ZBTB2: variants seen among roughly 807,000 people sequenced by gnomAD.
The protein encoded by ZBTB2 is zinc finger and BTB domain containing 2.
In ZBTB2, 2 loss-of-function variants were observed where a neutral mutation model predicts 39.5. The ratio of observed to expected loss-of-function variants is 0.05; its 90% CI spans 0.02 to 0.16. ZBTB2 has a LOEUF of 0.16. Among genes scored for constraint, ZBTB2 ranks in the 10% least tolerant of loss-of-function variants. ZBTB2 has a pLI of 1.00. For missense variants in ZBTB2, 391 were observed against 653.0 expected (o/e 0.60, Z 4.37); for synonymous variants, 251 against 256.6 (o/e 0.98, Z 0.21).
intron 1 of ZBTB2, among the ~76,000 whole-genome samples, chr6:151,382,036 A>T (rs1779044630): frequency 6.6e-6 from 1 of 152,222 alleles, no homozygotes; most frequent in African/African-American, 2.4e-5. Flanking sequence ...CCTAGGCTAT[A>T]TGGTAATCTA....
chr6:151,390,350 C>CGTCCCCG (rs5880929), intron 1 of ZBTB2, among the ~76,000 whole-genome samples: 37 of 147,556 alleles, frequency 2.5e-4, no homozygotes, highest in East Asian at 4.2e-4. Context: ...GCCCCGCCCC[C>CGTCCCCG]TCCCTGTCCC....
chr6:151,370,358 T>G (rs1002939285), intron 2 of ZBTB2, among the ~76,000 whole-genome samples: 1 of 152,198 alleles, frequency 6.6e-6, no homozygotes, highest in African/African-American at 2.4e-5. Flanking sequence ...CTGGTTGACA[T>G]ACTTTCATGT....
chr6:151,381,321 G>C (rs1779030240), intron 1 of ZBTB2, among the ~76,000 whole-genome samples: 1 of 152,074 alleles, frequency 6.6e-6, no homozygotes, highest in South Asian at 2.1e-4. Flanking sequence ...AGGAGTTTGA[G>C]GCCAGCCTGG....
At chr6:151,388,118 C>CAG (rs201717156) in intron 1 of ZBTB2, among the ~76,000 whole-genome samples, 2,617 of 148,762 alleles carry the variant, frequency 0.018, 68 homozygotes, top group African/African-American at 0.062. Context: ...TTTAGGTTTT[C>CAG]AGTCATGTTT....
At chr6:151,390,431 C>G (rs1412008577) in intron 1 of ZBTB2, among the ~76,000 whole-genome samples, 1 of 150,154 alleles carries the variant, frequency 6.7e-6, no homozygotes, top group African/African-American at 2.4e-5. Flanking sequence ...CCGCTTCCCT[C>G]AGTCCCGCGT....
chr6:151,375,162 T>A (rs1394275386), intron 1 of ZBTB2, among the ~76,000 whole-genome samples: 1 of 151,822 alleles, frequency 6.6e-6, no homozygotes, highest in Non-Finnish European at 1.5e-5. Context: ...CTTGTAGAAC[T>A]AATAAACGAG....
chr6:151,375,169 C>T (rs6557131), intron 1 of ZBTB2, among the ~76,000 whole-genome samples: 15,332 of 151,760 alleles, frequency 0.1, 1,376 homozygotes, highest in African/African-American at 0.24. Context: ...AACTAATAAA[C>T]GAGTTTGGCA....
At chr6:151,385,292 T>C (rs1412615835) in intron 1 of ZBTB2, among the ~76,000 whole-genome samples, 1 of 152,200 alleles carries the variant, frequency 6.6e-6, no homozygotes, top group Non-Finnish European at 1.5e-5. Context: ...ACAAATGACC[T>C]TTCAGATTAT....
At chr6:151,387,527 A>C (rs1272942358) in intron 1 of ZBTB2, among the ~76,000 whole-genome samples, 1 of 152,196 alleles carries the variant, frequency 6.6e-6, no homozygotes, top group Non-Finnish European at 1.5e-5. Context: ...CAGAGAACCT[A>C]AATGACTCTC....
At chr6:151,372,000 A>T (rs1434273196) in intron 2 of ZBTB2, among the ~76,000 whole-genome samples, 1 of 152,226 alleles carries the variant, frequency 6.6e-6, no homozygotes, top group African/African-American at 2.4e-5. Context: ...AATGCCCAGC[A>T]CACAGCCTGA....
At chr6:151,383,830 T>C (rs1431102031) in intron 1 of ZBTB2, among the ~76,000 whole-genome samples, 1 of 152,126 alleles carries the variant, frequency 6.6e-6, no homozygotes, top group Non-Finnish European at 1.5e-5. Context: ...CCCTGGTGCA[T>C]GTGTGAACGA....
At chr6:151,378,845 T>C (rs1255551310) in intron 1 of ZBTB2, among the ~76,000 whole-genome samples, 2 of 152,236 alleles carry the variant, frequency 1.3e-5, no homozygotes, top group Non-Finnish European at 2.9e-5. Flanking sequence ...GGAGTGCTAC[T>C]ATTGGCCATC....
chr6:151,377,138 G>A (rs1254547484), intron 1 of ZBTB2, among the ~76,000 whole-genome samples: 1 of 150,500 alleles, frequency 6.6e-6, no homozygotes, highest in African/African-American at 2.5e-5. Context: ...TATGGAAAGG[G>A]AGAACAGATT....
chr6:151,387,393 A>G (rs1423888158), intron 1 of ZBTB2, among the ~76,000 whole-genome samples: 1 of 152,212 alleles, frequency 6.6e-6, no homozygotes, highest in Non-Finnish European at 1.5e-5. Context: ...GGAAAAGGCC[A>G]TAACAACTTA....
At position 151,366,796 on chromosome 6, in the gene ZBTB2, G is replaced by C. The variant is rs773887447; in HGVS notation, c.270C>G (p.Ile90Met). Residue 90 changes from isoleucine (I) to methionine (M), a missense_variant, in exon 3 of 3, where the codon ATC (isoleucine) becomes ATG (methionine). Coordinates refer to ENST00000325144, the MANE Select transcript of ZBTB2 (RefSeq NM_020861.3). The surrounding 1 kb of genome is among the most constrained non-coding windows in gnomAD (Gnocchi z 7.1). The part of the protein sequence containing the change: ...MYTGKMAPQL[I>M]DPVRLEQGIK... ...TGCCCTGTTCTAATCGAACCGGGTC[G>C]ATGAGCTGAGGCGCCATCTTCCCAG... The C allele has an allele frequency of 7.4e-6, 12 of 1,614,168 alleles. No individual in the cohort carries two copies. In the South Asian group the frequency reaches 1.2e-4, roughly 16 times the overall value.
In ZBTB2 at chr6:151,391,514, T is replaced by TC. The variant is rs967318140; in HGVS notation, c.-108dup. On this transcript the variant is annotated 5_prime_UTR_variant, in exon 1 of 3. Transcript: ENST00000325144. ...TCCCCGCCGCCGCCGCCTCTGCCTC[T>TC]CGCTGCTGCTGCTGCTGCTGCCGCC... 4.0e-5 allele frequency: 6 copies of TC among 149,928 alleles called. No homozygotes were observed. The highest frequency in any genetic ancestry group is 7.3e-5 in the Non-Finnish European group (5 of 68,426). The allele number at this position is 149,928 out of a possible 1,614,324, so 9.3% of individuals were successfully genotyped here.
chr6:151,370,451 C>T (rs1778764170), intron 2 of ZBTB2, among the ~76,000 whole-genome samples: 1 of 152,130 alleles, frequency 6.6e-6, no homozygotes, highest in African/African-American at 2.4e-5. Context: ...TCAATTATTC[C>T]TTCACTAGAA....
At chr6:151,369,052 C>T (rs1479458016) in intron 2 of ZBTB2, among the ~76,000 whole-genome samples, 13 of 152,120 alleles carry the variant, frequency 8.5e-5, no homozygotes, top group East Asian at 5.8e-4. Context: ...CATGAACCAC[C>T]GCGCCTGGCT....
chr6:151,383,708 G>A (rs1270338810), intron 1 of ZBTB2, among the ~76,000 whole-genome samples: 1 of 152,100 alleles, frequency 6.6e-6, no homozygotes, highest in Non-Finnish European at 1.5e-5. Context: ...TCTGCTCCAG[G>A]ATTTTGAATA....
Sources: gnomAD v4.1 joint callset for allele counts (sites outside exome capture counted in the v4.1 genomes callset) on GRCh38, gnomAD v4.1.1 for gene constraint, Gnocchi (gnomAD v3.1) non-coding constraint, MANE v1.5 for transcripts, NCBI Gene and HGNC (gene_info 2026-07-23, HGNC 2026-07-21) for gene names.